Variants in KIAA1755 observed in about 807,000 individuals in gnomAD.
KIAA1755 encodes KIAA1755, also known as uncharacterized protein KIAA1755.
Under a neutral mutation model 91.7 loss-of-function variants are expected in KIAA1755, and 68 were observed. The ratio of observed to expected loss-of-function variants is 0.74; its 90% CI spans 0.61 to 0.91. The LOEUF is 0.91. KIAA1755 is among the 40% of genes least tolerant of loss of function. KIAA1755 has a pLI of 0.00. For synonymous variants in KIAA1755, 610 were observed against 604.6 expected (o/e 1.01, Z -0.13); for missense variants, 1,535 against 1,494.4 (o/e 1.03, Z -0.45).
chr20:38,213,594 C>T lies in KIAA1755; in HGVS notation c.3051G>A (p.Val1017=). The change falls in exon 14 of 14, where the codon GTG becomes GTA. Residue 1017 remains valine (V), a synonymous_variant. Transcript: ENST00000279024. The part of the protein sequence containing the change: ...SEFPAEKLAA[V]GLQVASLSRA... ...GGCTCAGGGAGGCCACCTGCAGCCC[C>T]ACGGCTGCGAGCTTCTCAGCAGGGA... is the stretch of plus-strand genomic sequence containing the variant. 1 of 1,609,230 alleles carries T rather than the reference C, an allele frequency of 6.2e-7. No homozygotes were observed. Among genetic ancestry groups the T allele is most frequent in the East Asian group, 2.2e-5 (1 of 44,808 alleles).
chr20:38,231,880 C>G (rs949993258), intron 4 of KIAA1755, among the ~76,000 whole-genome samples: 13 of 152,196 alleles, frequency 8.5e-5, no homozygotes, highest in African/African-American at 3.1e-4. Flanking sequence ...GCGTGCAGCC[C>G]TGTGGCCACC....
chr20:38,245,867 C>T, intron 2 of KIAA1755, 62 bp downstream of exon 2: 2 of 1,531,508 alleles, frequency 1.3e-6, no homozygotes, highest in Non-Finnish European at 1.8e-6. Flanking sequence ...TCTCTGCCCG[C>T]CTCTAGCCCC....
intron 8 of KIAA1755, among the ~76,000 whole-genome samples, chr20:38,224,598 G>A (rs1313081896): frequency 2.0e-5 from 3 of 152,172 alleles, no homozygotes; most frequent in Non-Finnish European, 4.4e-5. Context: ...TAATTTGTGG[G>A]GTGCAAACAG....
intron 1 of KIAA1755, among the ~76,000 whole-genome samples, chr20:38,253,550 AT>A (rs1417658922): frequency 1.3e-5 from 2 of 152,026 alleles, no homozygotes; most frequent in Admixed American, 1.3e-4. Flanking sequence ...GACTATTGGA[AT>A]TTTTTTTAAA....
At chr20:38,258,626 G>A (rs780046548) in intron 1 of KIAA1755, among the ~76,000 whole-genome samples, 51 of 152,244 alleles carry the variant, frequency 3.3e-4, no homozygotes, top group Non-Finnish European at 5.9e-4. Context: ...AAGATTTACC[G>A]GGTAAATAAG....
intron 5 of KIAA1755, among the ~76,000 whole-genome samples, chr20:38,228,721 G>A (rs1190004190): frequency 6.6e-6 from 1 of 152,174 alleles, no homozygotes; most frequent in Admixed American, 6.5e-5. Flanking sequence ...AATGATATGT[G>A]AGGGAAAGTT....
intron 1 of KIAA1755, among the ~76,000 whole-genome samples, chr20:38,253,259 G>A (rs1174251505): frequency 6.6e-6 from 1 of 152,214 alleles, no homozygotes; most frequent in Non-Finnish European, 1.5e-5. Context: ...ACTGACCCAG[G>A]GAAGCTTGCA....
chr20:38,232,079 G>C (rs1201775225), intron 4 of KIAA1755, among the ~76,000 whole-genome samples: 1 of 152,112 alleles, frequency 6.6e-6, no homozygotes, highest in Admixed American at 6.5e-5. Context: ...AGAGGCTCGG[G>C]CCTTGGGAAA....
At chr20:38,236,530 G>A (rs879711187) in intron 4 of KIAA1755, among the ~76,000 whole-genome samples, 17 of 152,192 alleles carry the variant, frequency 1.1e-4, no homozygotes, top group Admixed American at 4.6e-4. Flanking sequence ...CAGGAAAGGA[G>A]GCTGCAAAAT....
intron 8 of KIAA1755, 95 bp from the exon 9 acceptor site, chr20:38,223,731 G>C (rs948382589): frequency 1.8e-5 from 15 of 855,304 alleles, no homozygotes; most frequent in South Asian, 4.8e-5. Flanking sequence ...GTGGGAGGCA[G>C]TGGCTCTCCA....
At chr20:38,229,115 A>T (rs368828724) in intron 5 of KIAA1755, among the ~76,000 whole-genome samples, 21 of 152,330 alleles carry the variant, frequency 1.4e-4, no homozygotes, top group African/African-American at 5.1e-4. Flanking sequence ...ATTGAAAAAT[A>T]GCCCCCAACT....
At chr20:38,243,920 C>T (rs1452668838) in intron 2 of KIAA1755, among the ~76,000 whole-genome samples, 1 of 152,150 alleles carries the variant, frequency 6.6e-6, no homozygotes, top group Non-Finnish European at 1.5e-5. Context: ...GTGTTATTAA[C>T]GTTTCTGCTT....
chr20:38,252,908 C>T (rs1289227750), intron 1 of KIAA1755, among the ~76,000 whole-genome samples: 1 of 152,154 alleles, frequency 6.6e-6, no homozygotes, highest in African/African-American at 2.4e-5. Flanking sequence ...GGTGCCCAGG[C>T]GGCTGCAGGA....
Position 38,225,712 on chromosome 20 carries a change from C to CTGG in KIAA1755, c.2121_2122insCCA (p.Leu707_Glu708insPro). 6.2e-7 allele frequency: 1 copy of CTGG among 1,612,472 alleles called. No homozygotes were observed. ...GTGTGGCAGTAGGGGAAGGGGCCTT[C>CTGG]CAGGACTGCGGGCAGCTGGCTGGGG... On this transcript the variant is annotated inframe_insertion, in exon 8 of 14. Coordinates refer to ENST00000279024, the MANE Select transcript of KIAA1755 (RefSeq NM_001029864.2).
chr20:38,226,873 A>G (rs147883656), intron 7 of KIAA1755, among the ~76,000 whole-genome samples: 46 of 152,272 alleles, frequency 3.0e-4, no homozygotes, highest in African/African-American at 1.1e-3. Context: ...AGCTTTTCAA[A>G]TAGGTTCTAT....
intron 11 of KIAA1755, 64 bp downstream of exon 11, chr20:38,219,566 G>T: frequency 3.1e-6 from 5 of 1,593,682 alleles, no homozygotes; most frequent in Non-Finnish European, 2.6e-6. Flanking sequence ...GCCCAGAGTC[G>T]GGGCTTTCCT....
chr20:38,213,437 G>C lies in KIAA1755; in HGVS notation c.3208C>G (p.Arg1070Gly). The C allele has an allele frequency of 5.6e-6, 9 of 1,601,822 alleles. No homozygotes were observed. Among genetic ancestry groups the C allele is most frequent in the Non-Finnish European group, 7.7e-6 (9 of 1,174,070 alleles). ...TGGCCCTTGGCTGCCACCCCTCTTC[G>C]TTCTGGGCGCGCTGAGTGAGCAGCT... ...APAAHSARPE[R>G]RGVAAKGQGV... Residue 1070 changes from arginine to glycine, a missense_variant, in exon 14 of 14, where the codon CGA becomes GGA. Coordinates refer to ENST00000279024, the MANE Select transcript of KIAA1755 (RefSeq NM_001029864.2).
intron 6 of KIAA1755, among the ~76,000 whole-genome samples, chr20:38,227,653 C>T (rs1313191743): frequency 1.3e-5 from 2 of 152,210 alleles, no homozygotes; most frequent in East Asian, 3.8e-4. Flanking sequence ...GTTGCATTCA[C>T]CCCCAGGCCA....
Position 38,211,882 on chromosome 20 carries a change from T to C in KIAA1755, c.*1160A>G, listed in dbSNP as rs541202664. The C allele has an allele frequency of 6.6e-6, 1 of 152,326 alleles. No homozygotes were observed. Among genetic ancestry groups the C allele is most frequent in the East Asian group, 1.9e-4 (1 of 5,178 alleles). The allele number at this position is 152,326 out of a possible 1,614,324, so 9.4% of individuals were successfully genotyped here. The stretch of plus-strand genomic sequence containing the variant: ...TTGCCAAGACCAATGGAGCTGGCTG[T>C]GCGTGCTGTCTACGAGTGCCAGCTC... On this transcript the variant is annotated 3_prime_UTR_variant, in exon 14 of 14. Transcript: ENST00000279024.
Sources: allele counts gnomAD v4.1 joint callset (sites outside exome capture counted in the v4.1 genomes callset), GRCh38; gene constraint gnomAD v4.1.1; transcripts MANE v1.5; gene names NCBI Gene and HGNC (gene_info 2026-07-23, HGNC 2026-07-21).